Variants in PCED1B observed in about 807,000 individuals in gnomAD.
PCED1B encodes the protein PC-esterase domain containing 1B.
For synonymous variants in PCED1B, 251 were observed against 246.1 expected (o/e 1.02, Z -0.19); for missense variants, 573 against 573.9 (o/e 1.00, Z 0.02).
At chr12:47,107,889 C>T (rs1939026534) in intron 2 of PCED1B, among the ~76,000 whole-genome samples, 1 of 152,188 alleles carries the variant, frequency 6.6e-6, no homozygotes, top group Admixed American at 6.5e-5. Context: ...AAATGAGGAT[C>T]TTTATTGCTA....
intron 2 of PCED1B, among the ~76,000 whole-genome samples, chr12:47,197,108 G>A (rs1453955206): frequency 2.0e-5 from 3 of 148,236 alleles, no homozygotes; most frequent in East Asian, 4.0e-4. Context: ...ACATGGTGGC[G>A]GGCACCTGTA....
At chr12:47,138,041 A>G (rs578046624) in intron 2 of PCED1B, among the ~76,000 whole-genome samples, 1 of 152,230 alleles carries the variant, frequency 6.6e-6, no homozygotes, top group Non-Finnish European at 1.5e-5. Context: ...TTCACATAGC[A>G]TACAAACCCA....
rs181899568 is a variant in PCED1B, at chr12:47,166,236, A to G, written c.-525-49986A>G. Among the ~76,000 whole-genome samples the G allele has an allele frequency of 1.4e-3, 209 of 152,280 alleles. 2 individuals carry two copies. In the Middle Eastern group the frequency reaches 0.017, roughly 12 times the overall value. Reference sequence around the variant, plus strand: ...TAACAAACCCAGACGGTCTAATCACATTGGCCAAACCCTTTTACCCAATAA... The same window carrying G: ...TAACAAACCCAGACGGTCTAATCACGTTGGCCAAACCCTTTTACCCAATAA... On this transcript the variant is annotated intron_variant, in intron 2 of 3. Transcript: ENST00000546455.
intron 1 of PCED1B, among the ~76,000 whole-genome samples, chr12:47,081,207 T>C (rs1240719159): frequency 6.6e-6 from 1 of 152,178 alleles, no homozygotes; most frequent in African/African-American, 2.4e-5. Flanking sequence ...CACAGTGGAA[T>C]GAAAAGCAAC....
chr12:47,196,121 T>C (rs905006601), intron 2 of PCED1B, among the ~76,000 whole-genome samples: 8 of 152,244 alleles, frequency 5.3e-5, no homozygotes, highest in Admixed American at 5.2e-4. Context: ...AATTTGAATA[T>C]ATTGACATTT....
intron 2 of PCED1B, among the ~76,000 whole-genome samples, chr12:47,111,892 G>T (rs917515354): frequency 6.6e-6 from 1 of 152,086 alleles, no homozygotes; most frequent in Non-Finnish European, 1.5e-5. Flanking sequence ...ATCTTTGAAG[G>T]AATTCAGTAT....
intron 3 of PCED1B, among the ~76,000 whole-genome samples, chr12:47,229,483 T>A (rs1943733280): frequency 1.3e-5 from 2 of 151,954 alleles, no homozygotes; most frequent in Admixed American, 1.3e-4. Context: ...TTTTGGGTGA[T>A]TTCAGAATAT....
chr12:47,210,287 A>G (rs933405778), intron 2 of PCED1B: 1 of 152,258 alleles, frequency 6.6e-6, no homozygotes, highest in African/African-American at 2.4e-5. Context: ...AACCACAATC[A>G]GAGTCTTCTG....
At chr12:47,223,607 C>G (rs564255309) in intron 3 of PCED1B, 1 of 152,358 alleles carries the variant, frequency 6.6e-6, no homozygotes, top group East Asian at 1.9e-4. Flanking sequence ...TGCAAATTAT[C>G]CCCTCACTGG....
rs761294329 is a variant in PCED1B at position 47,230,275 on chromosome 12, G to C, written c.-57-4732G>C. On this transcript the variant is annotated intron_variant, in intron 3 of 3. Coordinates refer to ENST00000546455, the MANE Select transcript of PCED1B (RefSeq NM_138371.3). ...AATTTTTTGTACTTTTAGTAGAGAC[G>C]GGGTTTCACAATGTTTGCCAGGATG... Among the ~76,000 whole-genome samples, 4 of 151,214 alleles carry C rather than the reference G, an allele frequency of 2.6e-5. No homozygotes were observed. In the East Asian group the frequency reaches 5.8e-4, roughly 22 times the overall value.
chr12:47,224,028 C>T (rs1023143376), intron 3 of PCED1B: 4 of 152,216 alleles, frequency 2.6e-5, no homozygotes, highest in Non-Finnish European at 4.4e-5. Context: ...AAAGCCAGAT[C>T]ACCACCTTCT....
chr12:47,106,024 C>G (rs1421058810), intron 2 of PCED1B, among the ~76,000 whole-genome samples: 1 of 152,066 alleles, frequency 6.6e-6, no homozygotes, highest in Non-Finnish European at 1.5e-5. Flanking sequence ...AGGAGAACTT[C>G]AATATCCTTT....
At chr12:47,212,546 C>T (rs899138868) in intron 2 of PCED1B, among the ~76,000 whole-genome samples, 8 of 152,150 alleles carry the variant, frequency 5.3e-5, no homozygotes, top group Non-Finnish European at 7.4e-5. Context: ...TCTCCCCGAG[C>T]TTCAACTTGA....
intron 2 of PCED1B, among the ~76,000 whole-genome samples, chr12:47,152,661 T>C (rs1040625330): frequency 6.6e-6 from 1 of 152,240 alleles, no homozygotes; most frequent in African/African-American, 2.4e-5. Context: ...CTGGGCACGG[T>C]GGCTCAGGCC....
intron 2 of PCED1B, among the ~76,000 whole-genome samples, chr12:47,115,817 T>C (rs1939395831): frequency 6.6e-6 from 1 of 152,212 alleles, no homozygotes; most frequent in African/African-American, 2.4e-5. Flanking sequence ...GTGTAAATTA[T>C]TTAATATGCA....
chr12:47,194,776 T>C (rs1184998114), intron 2 of PCED1B, among the ~76,000 whole-genome samples: 1 of 152,162 alleles, frequency 6.6e-6, no homozygotes, highest in Non-Finnish European at 1.5e-5. Context: ...AGCAGCAATA[T>C]GTGGCCAGGG....
intron 2 of PCED1B, among the ~76,000 whole-genome samples, chr12:47,125,120 T>G (rs77167286): frequency 0.013 from 2,034 of 152,154 alleles, 37 homozygotes; most frequent in African/African-American, 0.045. Flanking sequence ...CTCCCATGTT[T>G]TCTTTTAGAA....
intron 2 of PCED1B, among the ~76,000 whole-genome samples, chr12:47,135,328 C>T (rs138675385): frequency 9.5e-4 from 145 of 151,996 alleles, no homozygotes; most frequent in African/African-American, 3.3e-3. Flanking sequence ...TTTTGCACCA[C>T]GAACACATGC....
intron 2 of PCED1B, among the ~76,000 whole-genome samples, chr12:47,137,317 A>C (rs1412107066): frequency 6.6e-6 from 1 of 152,228 alleles, no homozygotes; most frequent in South Asian, 2.1e-4. Flanking sequence ...TATGTCTTCA[A>C]ATATAGATGT....
Sources: gnomAD v4.1 joint callset for allele counts (sites outside exome capture counted in the v4.1 genomes callset) on GRCh38, gnomAD v4.1.1 for gene constraint, MANE v1.5 for transcripts, NCBI Gene and HGNC (gene_info 2026-07-23, HGNC 2026-07-21) for gene names.